Variants in MATN2 observed in about 807,000 individuals in gnomAD.
The protein encoded by MATN2 is matrilin 2.
In MATN2, 69 loss-of-function variants were observed where a neutral mutation model predicts 103.2. That is an observed-to-expected ratio of 0.67 (90% confidence interval 0.55 to 0.82). The LOEUF is 0.82. Among genes scored for constraint, MATN2 ranks in the 40% least tolerant of loss-of-function variants. MATN2 has a pLI of 0.00. For synonymous variants in MATN2, 429 were observed against 450.2 expected, an observed-to-expected ratio of 0.95 and a Z score of 0.60; for missense variants, 1,023 against 1,211.5, an observed-to-expected ratio of 0.84 and a Z score of 2.31.
rs373215251 is a variant in MATN2, at chr8:97,974,403, C to T, written c.959-4483C>T. 8.6e-5 allele frequency among the ~76,000 whole-genome samples: 13 copies of T among 151,242 alleles called. No homozygotes were observed. The East Asian group carries it at 1.4e-3, about 16-fold the overall frequency. ...ATCCACCCACCTTGGCCTCCCAAAG[C>T]GCTGGGATTACAGATGTGAGCCTTT... On this transcript the variant is annotated intron_variant, in intron 5 of 18. Transcript: ENST00000254898.
chr8:97,949,171 AT>A (rs71271175), intron 4 of MATN2, among the ~76,000 whole-genome samples: 9 of 140,460 alleles, frequency 6.4e-5, no homozygotes, highest in East Asian at 2.1e-4. Flanking sequence ...ACTAGAATGG[AT>A]TTTTTTTTTT....
intron 7 of MATN2, among the ~76,000 whole-genome samples, chr8:98,001,462 C>CTTTTT (rs35005441): frequency 2.5e-5 from 3 of 118,920 alleles, no homozygotes; most frequent in Admixed American, 8.9e-5. Flanking sequence ...ACACTTTTGT[C>CTTTTT]TTTTTTTTTT....
chr8:97,905,408 A>C (rs764328563), intron 2 of MATN2, among the ~76,000 whole-genome samples: 9 of 151,830 alleles, frequency 5.9e-5, no homozygotes, highest in Non-Finnish European at 1.3e-4. Flanking sequence ...CCCACCCCCC[A>C]GTAACTTCTA....
At chr8:98,034,551 TG>T in intron 18 of MATN2, among the ~76,000 whole-genome samples, 1 of 152,294 alleles carries the variant, frequency 6.6e-6, no homozygotes, top group African/African-American at 2.4e-5. Flanking sequence ...TTGACGAATA[TG>T]GGCTCTCATT....
Position 98,035,644 on chromosome 8 carries a change from A to G in MATN2, c.2816-13A>G, listed in dbSNP as rs1814214625. ...AATAGACAATTCTTCATCTTCCTTA[A>G]TTTGAGATTTACTAGAAGAAATGAC... On this transcript the variant is annotated splice_polypyrimidine_tract_variant and intron_variant, in intron 18 of 18. Transcript: ENST00000254898. 2 of 1,521,992 alleles carry G rather than the reference A, an allele frequency of 1.3e-6. No homozygotes were observed. The highest frequency in any genetic ancestry group is 1.4e-5 in the African/African-American group (1 of 73,086). The allele number at this position is 1,521,992 out of a possible 1,614,324, so 94.3% of individuals were successfully genotyped here. A position where few individuals can be genotyped will look rare whatever the true frequency, so the allele number is the denominator to read the frequency against.
chr8:98,007,070 G>A lies in MATN2; in HGVS notation c.1328-35G>A, dbSNP rs892165370. On this transcript the variant is annotated intron_variant, in intron 8 of 18. Transcript: ENST00000254898. The surrounding 1 kb of genome is among the most constrained non-coding windows in gnomAD (Gnocchi z 4.2). ...GTTGCTGGTGGGGTATTGCCCCCTC[G>A]GCTCCTCTATGCTTTCGCGTGTGTG... 7 of 1,569,428 alleles carry A rather than the reference G, an allele frequency of 4.5e-6. No homozygotes were observed. The East Asian group carries it at 7.1e-5, about 16-fold the overall frequency.
intron 6 of MATN2, among the ~76,000 whole-genome samples, chr8:97,993,699 T>A (rs1158279471): frequency 1.3e-5 from 2 of 152,152 alleles, no homozygotes; most frequent in Non-Finnish European, 2.9e-5. Context: ...GAACTCAGAG[T>A]ATTTATGCCT....
intron 7 of MATN2, among the ~76,000 whole-genome samples, chr8:97,997,533 T>C (rs189668923): frequency 2.0e-5 from 3 of 152,332 alleles, no homozygotes; most frequent in Admixed American, 2.0e-4. Context: ...GAAAGATCGT[T>C]TGATTTGTTT....
In MATN2 at chr8:97,931,430, T is replaced by C. The variant is rs374817323; in HGVS notation, c.620T>C (p.Ile207Thr). Reference protein sequence around the residue: ...GQVDFNTLKSIGSEPHEDHVF... With the variant: ...GQVDFNTLKSTGSEPHEDHVF... ...GTAGACTTCAACACCTTGAAGTCCA[T>C]TGGGAGTGAGCCCCATGAGGACCAT... Residue 207 changes from isoleucine (I) to threonine (T), a missense_variant, in exon 3 of 19, where the codon ATT becomes ACT. Coordinates refer to ENST00000254898, the MANE Select transcript of MATN2 (RefSeq NM_002380.5). The surrounding 1 kb of genome is among the most constrained non-coding windows in gnomAD (Gnocchi z 4.1). 1.1e-4 allele frequency: 179 copies of C among 1,613,758 alleles called. No individual in the cohort carries two copies. Among genetic ancestry groups the C allele is most frequent in the Non-Finnish European group, 1.4e-4 (166 of 1,179,850 alleles).
intron 10 of MATN2, among the ~76,000 whole-genome samples, chr8:98,014,032 C>T (rs1472008016): frequency 1.3e-5 from 2 of 152,022 alleles, no homozygotes; most frequent in Non-Finnish European, 1.5e-5. Context: ...TCACATGAGC[C>T]CAAGAGCCAA....
At chr8:97,875,319 A>G (rs530292312) in intron 1 of MATN2, among the ~76,000 whole-genome samples, 24 of 152,308 alleles carry the variant, frequency 1.6e-4, no homozygotes, top group African/African-American at 5.8e-4. Flanking sequence ...AAACTCTTCA[A>G]AATTTCTCCC....
intron 8 of MATN2, 133 bp from the exon 9 acceptor site, chr8:98,006,972 G>A (rs1358322025): frequency 1.1e-6 from 1 of 915,270 alleles, no homozygotes; most frequent in African/African-American, 1.7e-5. Flanking sequence ...TTTTCTAGAG[G>A]GATCAGTGAT....
At chr8:97,970,209 G>A (rs1260357061) in intron 5 of MATN2, among the ~76,000 whole-genome samples, 1 of 152,202 alleles carries the variant, frequency 6.6e-6, no homozygotes, top group African/African-American at 2.4e-5. Flanking sequence ...GAAATTTCTA[G>A]GGAAGGGGTA....
chr8:97,947,043 A>G (rs1271821567), intron 4 of MATN2, among the ~76,000 whole-genome samples: 1 of 152,212 alleles, frequency 6.6e-6, no homozygotes, highest in Non-Finnish European at 1.5e-5. Context: ...CCAAGAATGC[A>G]AGTTTGGTTT....
At chr8:97,889,485 ATAT>A in intron 2 of MATN2, among the ~76,000 whole-genome samples, 1 of 115,560 alleles carries the variant, frequency 8.7e-6, no homozygotes, top group South Asian at 2.8e-4. Context: ...ATATATATAT[ATAT>A]AAAACTGATG....
At chr8:98,022,415 C>T (rs1368911632) in intron 13 of MATN2, among the ~76,000 whole-genome samples, 1 of 151,680 alleles carries the variant, frequency 6.6e-6, no homozygotes, top group Non-Finnish European at 1.5e-5. Context: ...AAGTTTTGTT[C>T]CAAATGCATG....
intron 2 of MATN2, among the ~76,000 whole-genome samples, chr8:97,908,694 C>G (rs1402815790): frequency 6.6e-6 from 1 of 152,080 alleles, no homozygotes; most frequent in Non-Finnish European, 1.5e-5. Context: ...TGTGGTGATG[C>G]AATCTCGGCT....
chr8:97,984,000 G>C (rs16896508), intron 6 of MATN2, among the ~76,000 whole-genome samples: 9,161 of 152,230 alleles, frequency 0.06, 888 homozygotes, highest in African/African-American at 0.21. Context: ...TCGGTTGTCA[G>C]GTTTCTTGGC....
rs1032198414 is a variant in MATN2 at position 97,901,041 on chromosome 8, C to T, written c.142+12799C>T. Among the ~76,000 whole-genome samples the T allele has an allele frequency of 4.6e-5, 7 of 152,202 alleles. No homozygotes were observed. In the Middle Eastern group the frequency reaches 0.01, roughly 222 times the overall value. On this transcript the variant is annotated intron_variant, in intron 2 of 18. Transcript: ENST00000254898. The stretch of plus-strand genomic sequence containing the variant: ...AATCTTTGGGACTTGGTGGGGTCAC[C>T]GGGGATACATCCTCCTCTCCTAGGT...
Sources: allele counts gnomAD v4.1 joint callset (sites outside exome capture counted in the v4.1 genomes callset), GRCh38; gene constraint gnomAD v4.1.1; non-coding constraint Gnocchi (gnomAD v3.1); transcripts MANE v1.5; gene names NCBI Gene and HGNC (gene_info 2026-07-23, HGNC 2026-07-21).